Variants in CHLSN observed in about 807,000 individuals in gnomAD.
CHLSN encodes the protein cholesin.
the CHLSN span, among the ~76,000 whole-genome samples, chr7:1,131,843 C>T: frequency 6.6e-6 from 1 of 152,266 alleles, no homozygotes; most frequent in South Asian, 2.1e-4. Context: ...GGAAAGGTTC[C>T]TTTTAATAGT....
chr7:1,073,819 G>A, the CHLSN span, among the ~76,000 whole-genome samples: 5 of 58,202 alleles, frequency 8.6e-5, no homozygotes, highest in African/African-American at 2.2e-4. Flanking sequence ...CCCCGACCCC[G>A]ACACCCTGCT....
the CHLSN span, among the ~76,000 whole-genome samples, chr7:1,071,145 G>T: frequency 2.6e-5 from 4 of 152,250 alleles, no homozygotes; most frequent in Non-Finnish European, 5.9e-5. Context: ...TAGAGGCCCC[G>T]CACGCGGCTG....
the CHLSN span, among the ~76,000 whole-genome samples, chr7:1,024,017 T>C: frequency 6.6e-6 from 1 of 151,614 alleles, no homozygotes; most frequent in Non-Finnish European, 1.5e-5. Flanking sequence ...GTTTTTAAAT[T>C]TTTTATAGAG....
At chr7:1,128,777 G>T in the CHLSN span, among the ~76,000 whole-genome samples, 10 of 11,144 alleles carry the variant, frequency 9.0e-4, no homozygotes, top group Non-Finnish European at 8.2e-4. Flanking sequence ...TCGGCTCATC[G>T]CACCCTGTCA....
At chr7:1,068,363 C>T in the CHLSN span, among the ~76,000 whole-genome samples, 1 of 152,172 alleles carries the variant, frequency 6.6e-6, no homozygotes, top group African/African-American at 2.4e-5. Flanking sequence ...CCCATGGTCA[C>T]TGCCACCCGG....
chr7:994,998 C>T, the CHLSN span, among the ~76,000 whole-genome samples: 2 of 152,256 alleles, frequency 1.3e-5, no homozygotes, highest in African/African-American at 4.8e-5. Context: ...TGCCGAGGGA[C>T]AGACGTGAGG....
At chr7:1,047,806 G>T in the CHLSN span, among the ~76,000 whole-genome samples, 1 of 152,184 alleles carries the variant, frequency 6.6e-6, no homozygotes, top group African/African-American at 2.4e-5. Flanking sequence ...AATAAGAAGC[G>T]CTGAGTCCCC....
chr7:1,076,706 G>A, the CHLSN span, among the ~76,000 whole-genome samples: 1 of 152,234 alleles, frequency 6.6e-6, no homozygotes, highest in Non-Finnish European at 1.5e-5. Flanking sequence ...ACTTGGCAGG[G>A]CTCTCTCCCT....
At chr7:1,085,720 G>T in the CHLSN span, among the ~76,000 whole-genome samples, 2 of 151,246 alleles carry the variant, frequency 1.3e-5, no homozygotes, top group African/African-American at 4.9e-5. Context: ...TGTAGTCCCA[G>T]CTACTCAGGG....
chr7:1,073,654 C>T, the CHLSN span, among the ~76,000 whole-genome samples: 1 of 151,510 alleles, frequency 6.6e-6, no homozygotes, highest in African/African-American at 2.4e-5. Context: ...CGTGATGCCC[C>T]CTGACTCCGC....
At chr7:1,087,914 A>G in the CHLSN span, among the ~76,000 whole-genome samples, 1 of 152,268 alleles carries the variant, frequency 6.6e-6, no homozygotes, top group African/African-American at 2.4e-5. Flanking sequence ...TGGGTGAAGA[A>G]AAGCAGTTAA....
At chr7:1,076,605 G>A in the CHLSN span, among the ~76,000 whole-genome samples, 113 of 152,388 alleles carry the variant, frequency 7.4e-4, no homozygotes, top group African/African-American at 2.6e-3. Flanking sequence ...ATGTAAGAAA[G>A]GTCTATGCTT....
chr7:1,012,922 C>A, the CHLSN span, among the ~76,000 whole-genome samples: 1 of 152,250 alleles, frequency 6.6e-6, no homozygotes, highest in Non-Finnish European at 1.5e-5. Context: ...GTGACCACGA[C>A]GTGAGCGACC....
the CHLSN span, among the ~76,000 whole-genome samples, chr7:991,121 C>T: frequency 6.6e-6 from 1 of 152,044 alleles, no homozygotes; most frequent in Non-Finnish European, 1.5e-5. Context: ...CCGAGGCCCA[C>T]GTGGGGAGGA....
the CHLSN span, among the ~76,000 whole-genome samples, chr7:1,053,488 G>A: frequency 1.3e-5 from 2 of 152,220 alleles, no homozygotes; most frequent in Non-Finnish European, 2.9e-5. Flanking sequence ...GCCAGGCCCT[G>A]GCACGCTGTG....
the CHLSN span, among the ~76,000 whole-genome samples, chr7:1,020,449 T>C: frequency 2.0e-5 from 3 of 152,046 alleles, no homozygotes; most frequent in Non-Finnish European, 2.9e-5. Flanking sequence ...CGCTGCCCCA[T>C]CTTGCGTCTC....
chr7:1,079,339 C>T, the CHLSN span, among the ~76,000 whole-genome samples: 1 of 152,216 alleles, frequency 6.6e-6, no homozygotes, highest in Non-Finnish European at 1.5e-5. Context: ...GGGGACACCT[C>T]AAATCACACG....
At chr7:1,023,627 AC>A in the CHLSN span, among the ~76,000 whole-genome samples, 10 of 15,852 alleles carry the variant, frequency 6.3e-4, no homozygotes, top group African/African-American at 1.4e-3. This position sits in a 1 kb window ranked among gnomAD's most constrained non-coding sequence, Gnocchi z 5.0. Context: ...CCCAGGAAAC[AC>A]ACACACACAC....
the CHLSN span, among the ~76,000 whole-genome samples, chr7:1,019,685 C>T: frequency 1.3e-5 from 2 of 152,224 alleles, no homozygotes; most frequent in South Asian, 2.1e-4. Context: ...CCCATCACCA[C>T]GAGGAGGGCC....
Sources: gnomAD v4.1 joint callset for allele counts (sites outside exome capture counted in the v4.1 genomes callset) on GRCh38, gnomAD v4.1.1 for gene constraint, Gnocchi (gnomAD v3.1) non-coding constraint, MANE v1.5 for transcripts, NCBI Gene and HGNC (gene_info 2026-07-23, HGNC 2026-07-21) for gene names.